The following LEF1 variants were observed in gnomAD, a reference collection of about 807,000 sequenced individuals.
LEF1 encodes the protein lymphoid enhancer-binding factor 1.
LEF1 carries 14 observed loss-of-function variants against 51.2 expected under a neutral mutation model. The observed-to-expected ratio is 0.27, with a 90% CI of 0.18 to 0.43. The LOEUF is 0.43. Ranked by LOEUF, LEF1 falls within the 20% of genes least tolerant of loss-of-function variation. The pLI is 1.00. For synonymous variants in LEF1, 185 were observed against 183.2 expected, an observed-to-expected ratio of 1.01 and a Z score of -0.08; for missense variants, 386 against 512.0, an observed-to-expected ratio of 0.75 and a Z score of 2.37.
intron 3 of LEF1, among the ~76,000 whole-genome samples, chr4:108,149,041 A>G (rs930434785): frequency 2.6e-5 from 4 of 152,236 alleles, no homozygotes; most frequent in Admixed American, 2.0e-4. Context: ...AGAAACAGAT[A>G]CATGATGTTG....
intron 9 of LEF1, among the ~76,000 whole-genome samples, chr4:108,068,745 C>T (rs1006159696): frequency 6.6e-6 from 1 of 152,158 alleles, no homozygotes; most frequent in Non-Finnish European, 1.5e-5. Flanking sequence ...AAATAAGTTT[C>T]CATGTGTGCA....
chr4:108,151,107 C>G (rs1401398119), intron 3 of LEF1, among the ~76,000 whole-genome samples: 8 of 152,132 alleles, frequency 5.3e-5, no homozygotes, highest in Non-Finnish European at 8.8e-5. Flanking sequence ...GATTCCTAAG[C>G]TAAACTCATG....
At chr4:108,098,987 A>G (rs1740571466) in intron 3 of LEF1, among the ~76,000 whole-genome samples, 3 of 152,224 alleles carry the variant, frequency 2.0e-5, no homozygotes, top group Admixed American at 1.3e-4. Flanking sequence ...TATGGTAGCC[A>G]TTAGGCATTA....
intron 11 of LEF1, among the ~76,000 whole-genome samples, chr4:108,051,808 T>G (rs1479045324): frequency 1.3e-5 from 2 of 151,430 alleles, no homozygotes; most frequent in South Asian, 4.2e-4. Flanking sequence ...AATGGAACCA[T>G]GAACCCAAAT....
chr4:108,122,021 G>T (rs1197166951), intron 3 of LEF1, among the ~76,000 whole-genome samples: 4 of 152,140 alleles, frequency 2.6e-5, no homozygotes, highest in Admixed American at 2.0e-4. Context: ...CTAATCCTTT[G>T]AAGTTTTTTA....
intron 3 of LEF1, among the ~76,000 whole-genome samples, chr4:108,153,834 ATTAT>A (rs1744512995): frequency 1.3e-5 from 2 of 152,222 alleles, no homozygotes; most frequent in Non-Finnish European, 2.9e-5. Context: ...GTTACAGAAG[ATTAT>A]TTATTAATAG....
Position 108,079,558 on chromosome 4 carries a change from T to C in LEF1, c.779A>G (p.His260Arg), listed in dbSNP as rs777138887. 6.2e-7 allele frequency: 1 copy of C among 1,613,926 alleles called. No individual in the cohort carries two copies. Among genetic ancestry groups the C allele is most frequent in the Non-Finnish European group, 8.5e-7 (1 of 1,179,862 alleles). ...GACCTGAGGTGTTACAATAGCTGGATGAGGGATGCCAGTTGTGTGGGGACC... is the reference window on the plus strand; with the variant it reads ...GACCTGAGGTGTTACAATAGCTGGACGAGGGATGCCAGTTGTGTGGGGACC... ...PPGPHTTGIP[H>R]PAIVTPQVKQ... Residue 260 changes from histidine to arginine, a missense_variant, in exon 7 of 12, where the codon CAT becomes CGT. Physicochemically the swap from His to Arg is conservative, Grantham distance 29. Around this residue, in one of 2 missense-constraint regions of LEF1, gnomAD observed 335 missense variants for 390.7 expected, o/e 0.86. Coordinates refer to ENST00000265165, the MANE Select transcript of LEF1 (RefSeq NM_016269.5).
chr4:108,067,674 C>T (rs1363029220), intron 9 of LEF1, among the ~76,000 whole-genome samples: 6 of 151,772 alleles, frequency 4.0e-5, no homozygotes, highest in Non-Finnish European at 7.4e-5. Flanking sequence ...GGATTACAGG[C>T]GCACACCACC....
At chr4:108,052,391 G>A (rs774591231) in intron 11 of LEF1, among the ~76,000 whole-genome samples, 27 of 152,208 alleles carry the variant, frequency 1.8e-4, no homozygotes, top group Admixed American at 4.6e-4. Flanking sequence ...AGCCTTAAAC[G>A]ATGTGCAATT....
intron 3 of LEF1, among the ~76,000 whole-genome samples, chr4:108,094,071 C>T (rs1237598804): frequency 6.6e-6 from 1 of 152,202 alleles, no homozygotes; most frequent in Non-Finnish European, 1.5e-5. Context: ...AGAAGTCTGG[C>T]TCTAGAGGCC....
At chr4:108,055,456 G>GA (rs1184435446) in intron 11 of LEF1, among the ~76,000 whole-genome samples, 1 of 152,132 alleles carries the variant, frequency 6.6e-6, no homozygotes, top group Non-Finnish European at 1.5e-5. Context: ...AAAGTGCTTT[G>GA]AAAAATTACA....
intron 4 of LEF1, among the ~76,000 whole-genome samples, chr4:108,085,837 C>T (rs1403018620): frequency 3.9e-5 from 6 of 152,202 alleles, no homozygotes; most frequent in African/African-American, 1.4e-4. Flanking sequence ...ACTTGGGATG[C>T]TCTTCATTTT....
chr4:108,141,557 T>C (rs1223232531), intron 3 of LEF1, among the ~76,000 whole-genome samples: 1 of 152,224 alleles, frequency 6.6e-6, no homozygotes, highest in African/African-American at 2.4e-5. Context: ...AGTGATTGAT[T>C]TCTGCCTGAA....
chr4:108,131,513 TG>T (rs1281147292), intron 3 of LEF1, among the ~76,000 whole-genome samples: 1 of 152,102 alleles, frequency 6.6e-6, no homozygotes, highest in African/African-American at 2.4e-5. Context: ...TAATTTTGGC[TG>T]AAAGACATTT....
intron 3 of LEF1, among the ~76,000 whole-genome samples, chr4:108,115,991 C>A (rs749495239): frequency 6.6e-6 from 1 of 152,038 alleles, no homozygotes; most frequent in Non-Finnish European, 1.5e-5. Context: ...TTTGTAGAGA[C>A]AATTGAGGTC....
At chr4:108,081,002 C>T (rs921492979) in intron 6 of LEF1, among the ~76,000 whole-genome samples, 15 of 149,652 alleles carry the variant, frequency 1.0e-4, no homozygotes, top group African/African-American at 3.7e-4. Context: ...GCAGGCCTCC[C>T]GAGCTCCGCT....
rs1744100757 is a variant in LEF1 at position 108,147,962 on chromosome 4, TA to T, written c.414+15605del. Among the ~76,000 whole-genome samples, 6 of 152,346 alleles carry T rather than the reference TA, an allele frequency of 3.9e-5. No homozygotes were observed. The South Asian group carries it at 1.0e-3, about 26-fold the overall frequency. On this transcript the variant is annotated intron_variant, in intron 3 of 11. Coordinates refer to ENST00000265165, the MANE Select transcript of LEF1 (RefSeq NM_016269.5). ...ATAAATGAAAACTTATCTACCTTCA[TA>T]ATATTGTTTGCCCAATTCAAATTGT...
intron 9 of LEF1, among the ~76,000 whole-genome samples, chr4:108,067,638 T>C (rs1362512197): frequency 6.6e-6 from 1 of 151,998 alleles, no homozygotes; most frequent in Non-Finnish European, 1.5e-5. Flanking sequence ...CAAGCAATTC[T>C]TCTGCCTCAG....
chr4:108,096,566 C>T (rs1466106714), intron 3 of LEF1, among the ~76,000 whole-genome samples: 1 of 152,104 alleles, frequency 6.6e-6, no homozygotes. Flanking sequence ...AAGCTGCTGC[C>T]TTACCAAAGC....
Sources: gnomAD v4.1 joint callset for allele counts (sites outside exome capture counted in the v4.1 genomes callset) on GRCh38, gnomAD v4.1.1 for gene constraint, gnomAD v4.1.1 regional missense constraint, MANE v1.5 for transcripts, NCBI Gene and HGNC (gene_info 2026-07-23, HGNC 2026-07-21) for gene names.